The following SAP30L variants were observed in gnomAD, a reference collection of about 807,000 sequenced individuals.
SAP30L encodes SAP30 like, also known as histone deacetylase complex subunit SAP30L.
A neutral mutation model predicts 22.3 loss-of-function variants in SAP30L; 10 were observed. That is an observed-to-expected ratio of 0.45 (90% CI 0.28 to 0.76). SAP30L has a LOEUF of 0.76. Among genes scored for constraint, SAP30L ranks in the 30% least tolerant of loss-of-function variants. The pLI, the probability that SAP30L is intolerant of heterozygous loss-of-function variation, is 0.14. For missense variants in SAP30L, 206 were observed against 237.9 expected, an observed-to-expected ratio of 0.87 and a Z score of 0.88; for synonymous variants, 91 against 94.1, an observed-to-expected ratio of 0.97 and a Z score of 0.19.
chr5:154,446,648 C>G lies in SAP30L; in HGVS notation c.44C>G (p.Pro15Arg). The change falls in exon 1 of 4, where the codon CCC (proline) becomes CGC (arginine). Residue 15 changes from proline to arginine, a missense_variant. This residue lies in a region of SAP30L where 70 missense variants were observed against 50.5 expected (regional missense o/e 1.39). Transcript: ENST00000297109. ...GAGGAGGACAGCCGCGAAGGGCCCC[C>G]CGCCGCCCCAGCTGCCGCCGCCCCG... ...STEEDSREGP[P>R]AAPAAAAPGY... The G allele has an allele frequency of 6.5e-7, 1 of 1,536,036 alleles. No individual in the cohort carries two copies. The highest frequency in any genetic ancestry group is 8.7e-7 in the Non-Finnish European group (1 of 1,144,058).
Position 154,446,510 on chromosome 5 carries a change from C to T in SAP30L, c.-95C>T. Reference sequence around the variant, plus strand: ...TGGAGACGGACTCTGGGACCCTCGGCTGCGGGGGTCTCAGCGACCTGCCCC... The same window carrying T: ...TGGAGACGGACTCTGGGACCCTCGGTTGCGGGGGTCTCAGCGACCTGCCCC... On this transcript the variant is annotated 5_prime_UTR_variant, in exon 1 of 4. Transcript: ENST00000297109. 1 of 1,056,194 alleles carries T rather than the reference C, an allele frequency of 9.5e-7. No homozygotes were observed. Among genetic ancestry groups the T allele is most frequent in the Non-Finnish European group, 1.3e-6 (1 of 784,992 alleles). The allele number at this position is 1,056,194 out of a possible 1,614,324, so 65.4% of individuals were successfully genotyped here.
rs1230149046 is a variant in SAP30L at position 154,458,516 on chromosome 5, G to A, written c.*2488G>A. On this transcript the variant is annotated 3_prime_UTR_variant, in exon 4 of 4. Coordinates refer to ENST00000297109, the MANE Select transcript of SAP30L (RefSeq NM_024632.6). The stretch of plus-strand genomic sequence containing the variant: ...GTGTGGGGAAAGCAATGTTCATCTT[G>A]GCTGCTCCATTTTTATACCATCCAT... The A allele has an allele frequency of 6.6e-6, 1 of 152,190 alleles. No individual in the cohort carries two copies. The highest frequency in any genetic ancestry group is 1.5e-5 in the Non-Finnish European group (1 of 68,068). 9.4% of individuals were successfully genotyped at this position (152,190 alleles called of 1,614,324 possible). A position where few individuals can be genotyped will look rare whatever the true frequency, so the allele number is the denominator to read the frequency against.
chr5:154,456,099 C>A lies in SAP30L; in HGVS notation c.*71C>A. 1 of 1,466,384 alleles carries A rather than the reference C, an allele frequency of 6.8e-7. No homozygotes were observed. The allele number at this position is 1,466,384 out of a possible 1,614,324, so 90.8% of individuals were successfully genotyped here. The stretch of plus-strand genomic sequence containing the variant: ...AGGTGATATCTACTACATTTAAGCC[C>A]ATAAAGACTGTTAAATATTATTGTA... On this transcript the variant is annotated 3_prime_UTR_variant, in exon 4 of 4. Coordinates refer to ENST00000297109, the MANE Select transcript of SAP30L (RefSeq NM_024632.6).
At position 154,453,240 on chromosome 5, in the gene SAP30L, C is replaced by T. The variant is rs1399963765; in HGVS notation, c.325-162C>T. 8 of 554,274 alleles carry T rather than the reference C, an allele frequency of 1.4e-5. No individual in the cohort carries two copies. The East Asian group carries it at 2.3e-4, about 16-fold the overall frequency. The allele number at this position is 554,274 out of a possible 1,614,324, so 34.3% of individuals were successfully genotyped here. A position where few individuals can be genotyped will look rare whatever the true frequency, so the allele number is the denominator to read the frequency against. On this transcript the variant is annotated intron_variant, in intron 2 of 3. Transcript: ENST00000297109. Reference sequence around the variant, plus strand: ...CTGTTTTTCTACTGTTATTTTTGCCCTCCTAGCCAGTTACTAGTCCTCAAT... The same window carrying T: ...CTGTTTTTCTACTGTTATTTTTGCCTTCCTAGCCAGTTACTAGTCCTCAAT...
chr5:154,450,098 G>A (rs6580082), intron 1 of SAP30L, among the ~76,000 whole-genome samples: 3 of 152,078 alleles, frequency 2.0e-5, no homozygotes, highest in Non-Finnish European at 4.4e-5. Context: ...TTGTGCAACA[G>A]CTGTTTCAGT....
Position 154,446,666 on chromosome 5 carries a change from C to T in SAP30L, c.62C>T (p.Ala21Val). ...REGPPAAPAA[A>V]APGYGQSCCL... ...GGGCCCCCCGCCGCCCCAGCTGCCG[C>T]CGCCCCGGGCTACGGCCAGAGCTGC... Residue 21 changes from alanine to valine, a missense_variant, in exon 1 of 4, where the codon GCC (alanine) becomes GTC (valine). This residue lies in a region of SAP30L where 70 missense variants were observed against 50.5 expected (regional missense o/e 1.39). Transcript: ENST00000297109. 1 of 1,551,068 alleles carries T rather than the reference C, an allele frequency of 6.4e-7. No homozygotes were observed. The highest frequency in any genetic ancestry group is 8.7e-7 in the Non-Finnish European group (1 of 1,152,204).
At chr5:154,451,281 C>T in intron 2 of SAP30L, 68 bp downstream of exon 2, 1 of 1,530,182 alleles carries the variant, frequency 6.5e-7, no homozygotes, top group Non-Finnish European at 8.9e-7. Context: ...CACCTCTGGC[C>T]TGGTCTGCTT....
Position 154,446,213 on chromosome 5 carries a change from C to G in SAP30L, c.-392C>G, listed in dbSNP as rs1177065849. 1 of 168,816 alleles carries G rather than the reference C, an allele frequency of 5.9e-6. No homozygotes were observed. Among genetic ancestry groups the G allele is most frequent in the Non-Finnish European group, 1.3e-5 (1 of 79,472 alleles). The allele number at this position is 168,816 out of a possible 1,614,324, so 10.5% of individuals were successfully genotyped here. A position where few individuals can be genotyped will look rare whatever the true frequency, so the allele number is the denominator to read the frequency against. On this transcript the variant is annotated 5_prime_UTR_variant, in exon 1 of 4. Coordinates refer to ENST00000297109, the MANE Select transcript of SAP30L (RefSeq NM_024632.6). ...CCCGCTGCCGAAAGAAGGCGGGAGC[C>G]GGCAGGGGCCTTCGAAACCCCCTGG...
chr5:154,456,174 AT>A lies in SAP30L; in HGVS notation c.*148del. 1 of 762,502 alleles carries A rather than the reference AT, an allele frequency of 1.3e-6. No homozygotes were observed. The highest frequency in any genetic ancestry group is 1.9e-6 in the Non-Finnish European group (1 of 512,964). 47.2% of individuals were successfully genotyped at this position (762,502 alleles called of 1,614,324 possible). A position where few individuals can be genotyped will look rare whatever the true frequency, so the allele number is the denominator to read the frequency against. On this transcript the variant is annotated 3_prime_UTR_variant, in exon 4 of 4. Transcript: ENST00000297109. The stretch of plus-strand genomic sequence containing the variant: ...ACTGTAAATCTTTTTGGTCAGGAGG[AT>A]TATATTCTCATGATTCAGCATGTGT...
chr5:154,449,883 C>T (rs1317136172), intron 1 of SAP30L, among the ~76,000 whole-genome samples: 2 of 152,188 alleles, frequency 1.3e-5, no homozygotes, highest in Admixed American at 6.5e-5. Flanking sequence ...CTGCAAGACA[C>T]CATCACAGTA....
Position 154,446,304 on chromosome 5 carries a change from G to T in SAP30L, c.-301G>T, listed in dbSNP as rs890710878. On this transcript the variant is annotated 5_prime_UTR_variant, in exon 1 of 4. Coordinates refer to ENST00000297109, the MANE Select transcript of SAP30L (RefSeq NM_024632.6). ...GGACGCCCTCCCGGACACCCCCGCTGCAGGGTTACGGTTCTGGGCCCCCGG... is the reference window on the plus strand; with the variant it reads ...GGACGCCCTCCCGGACACCCCCGCTTCAGGGTTACGGTTCTGGGCCCCCGG... 4 of 307,670 alleles carry T rather than the reference G, an allele frequency of 1.3e-5. No individual in the cohort carries two copies. The highest frequency in any genetic ancestry group is 1.7e-3 in the Middle Eastern group (2 of 1,158). 19.1% of individuals were successfully genotyped at this position (307,670 alleles called of 1,614,324 possible). A position where few individuals can be genotyped will look rare whatever the true frequency, so the allele number is the denominator to read the frequency against.
In SAP30L at chr5:154,458,506, T is replaced by C. The variant is rs1053233113; in HGVS notation, c.*2478T>C. On this transcript the variant is annotated 3_prime_UTR_variant, in exon 4 of 4. Transcript: ENST00000297109. ...GAGCAGTGGGGTGTGGGGAAAGCAA[T>C]GTTCATCTTGGCTGCTCCATTTTTA... 2 of 152,158 alleles carry C rather than the reference T, an allele frequency of 1.3e-5. No homozygotes were observed. The highest frequency in any genetic ancestry group is 2.9e-5 in the Non-Finnish European group (2 of 68,086). The allele number at this position is 152,158 out of a possible 1,614,324, so 9.4% of individuals were successfully genotyped here. A position where few individuals can be genotyped will look rare whatever the true frequency, so the allele number is the denominator to read the frequency against.
rs767058254 is a variant in SAP30L, at chr5:154,446,698, A to T, written c.94A>T (p.Ile32Phe). 1 of 1,594,018 alleles carries T rather than the reference A, an allele frequency of 6.3e-7. No individual in the cohort carries two copies. Among genetic ancestry groups the T allele is most frequent in the African/African-American group, 1.3e-5 (1 of 74,198 alleles). ...GGGCTACGGCCAGAGCTGCTGCCTC[A>T]TCGAGGACGGCGAGCGCTGCGTCCG... Reference protein sequence around the residue: ...APGYGQSCCLIEDGERCVRPA... With the variant: ...APGYGQSCCLFEDGERCVRPA... The change falls in exon 1 of 4, where the codon ATC becomes TTC. Residue 32 changes from isoleucine to phenylalanine, a missense_variant. Around this residue, in one of 2 missense-constraint regions of SAP30L, gnomAD observed 70 missense variants for 50.5 expected, o/e 1.39. Transcript: ENST00000297109.
chr5:154,446,568 G>A lies in SAP30L; in HGVS notation c.-37G>A, dbSNP rs979894944. 399 of 1,405,964 alleles carry A rather than the reference G, an allele frequency of 2.8e-4. No homozygotes were observed. Among genetic ancestry groups the A allele is most frequent in the Non-Finnish European group, 3.4e-4 (366 of 1,082,444 alleles). The allele number at this position is 1,405,964 out of a possible 1,614,324, so 87.1% of individuals were successfully genotyped here. On this transcript the variant is annotated 5_prime_UTR_variant, in exon 1 of 4. Transcript: ENST00000297109. The stretch of plus-strand genomic sequence containing the variant: ...GCGCGGCCGCGGAGTGGCCTACCGG[G>A]GACCCTCCCCCAGAGGGACCGGCCC...
Position 154,446,532 on chromosome 5 carries a change from C to A in SAP30L, c.-73C>A, listed in dbSNP as rs968838222. ...CGGCTGCGGGGGTCTCAGCGACCTGCCCCGCGGCAAGCGCGGCCGCGGAGT... is the reference window on the plus strand; with the variant it reads ...CGGCTGCGGGGGTCTCAGCGACCTGACCCGCGGCAAGCGCGGCCGCGGAGT... On this transcript the variant is annotated 5_prime_UTR_variant, in exon 1 of 4. Transcript: ENST00000297109. The A allele has an allele frequency of 3.5e-5, 44 of 1,270,538 alleles. No homozygotes were observed. The highest frequency in any genetic ancestry group is 2.6e-5 in the Non-Finnish European group (25 of 973,384). 78.7% of individuals were successfully genotyped at this position (1,270,538 alleles called of 1,614,324 possible). A position where few individuals can be genotyped will look rare whatever the true frequency, so the allele number is the denominator to read the frequency against.
chr5:154,454,274 C>T (rs1477848606), intron 3 of SAP30L, among the ~76,000 whole-genome samples: 3 of 152,138 alleles, frequency 2.0e-5, no homozygotes, highest in African/African-American at 7.2e-5. Context: ...AAAGTTTTCT[C>T]CTGCCCTGAG....
Position 154,456,214 on chromosome 5 carries a change from C to A in SAP30L, c.*186C>A. ...TTCAGCATGTGTATAGAAAGACTTT[C>A]TTTTACGATAACTCTGGACTAAAAA... is the stretch of plus-strand genomic sequence containing the variant. On this transcript the variant is annotated 3_prime_UTR_variant, in exon 4 of 4. Coordinates refer to ENST00000297109, the MANE Select transcript of SAP30L (RefSeq NM_024632.6). The A allele has an allele frequency of 4.2e-6, 2 of 471,332 alleles. No individual in the cohort carries two copies. Among genetic ancestry groups the A allele is most frequent in the Non-Finnish European group, 7.1e-6 (2 of 282,474 alleles). The allele number at this position is 471,332 out of a possible 1,614,324, so 29.2% of individuals were successfully genotyped here.
rs567094283 is a variant in SAP30L, at chr5:154,459,000, T to C, written c.*2972T>C. 5.3e-5 allele frequency: 8 copies of C among 152,354 alleles called. No homozygotes were observed. The East Asian group carries it at 1.3e-3, about 26-fold the overall frequency. 9.4% of individuals were successfully genotyped at this position (152,354 alleles called of 1,614,324 possible). ...CTTTCAGAGAACAGATAGTAACAAT[T>C]GTTTGCAGCTGCAGTGTTGCATCTA... On this transcript the variant is annotated 3_prime_UTR_variant, in exon 4 of 4. Transcript: ENST00000297109.
intron 2 of SAP30L, among the ~76,000 whole-genome samples, chr5:154,452,891 T>C (rs1315600486): frequency 6.6e-6 from 1 of 151,692 alleles, no homozygotes; most frequent in African/African-American, 2.4e-5. Flanking sequence ...CATCTCATTC[T>C]GATTGTTGCT....
Sources: allele counts gnomAD v4.1 joint callset (sites outside exome capture counted in the v4.1 genomes callset), GRCh38; gene constraint gnomAD v4.1.1; regional missense constraint gnomAD v4.1.1; transcripts MANE v1.5; gene names NCBI Gene and HGNC (gene_info 2026-07-23, HGNC 2026-07-21).